HIBADH: variants seen among roughly 807,000 people sequenced by gnomAD.
HIBADH encodes 3-hydroxyisobutyrate dehydrogenase, also known as 3-hydroxyisobutyrate dehydrogenase, mitochondrial.
A neutral mutation model predicts 36.1 loss-of-function variants in HIBADH; 25 were observed. The observed-to-expected ratio is 0.69, with a 90% CI of 0.50 to 0.97. The LOEUF (loss-of-function observed/expected upper bound fraction) is 0.97. Ranked by LOEUF, HIBADH falls within the 50% of genes least tolerant of loss-of-function variation. HIBADH has a pLI of 0.00. For missense variants in HIBADH, 421 were observed against 418.0 expected (o/e 1.01, Z -0.06); for synonymous variants, 160 against 149.5 (o/e 1.07, Z -0.51).
chr7:27,577,781 A>T (rs1349234690), intron 4 of HIBADH, among the ~76,000 whole-genome samples: 1 of 152,218 alleles, frequency 6.6e-6, no homozygotes, highest in East Asian at 1.9e-4. Context: ...CTCCAAAAAA[A>T]TTTGAGATGT....
intron 4 of HIBADH, among the ~76,000 whole-genome samples, chr7:27,565,490 G>C (rs1389029701): frequency 6.6e-6 from 1 of 152,180 alleles, no homozygotes; most frequent in Non-Finnish European, 1.5e-5. Context: ...CTAGTATAGA[G>C]AAATATGATG....
chr7:27,648,205 A>G (rs1186600258), intron 2 of HIBADH, among the ~76,000 whole-genome samples: 1 of 152,222 alleles, frequency 6.6e-6, no homozygotes, highest in Admixed American at 6.5e-5. Context: ...ATTCTCTACT[A>G]TACGACTGAT....
intron 2 of HIBADH, among the ~76,000 whole-genome samples, chr7:27,645,561 T>A (rs1429123047): frequency 6.6e-6 from 1 of 151,796 alleles, no homozygotes; most frequent in African/African-American, 2.4e-5. Context: ...TTTGCATTTT[T>A]AGTAAAGACA....
chr7:27,570,814 G>A (rs557778789), intron 4 of HIBADH, among the ~76,000 whole-genome samples: 5 of 152,020 alleles, frequency 3.3e-5, no homozygotes, highest in East Asian at 1.9e-4. Context: ...TTGGTACTGC[G>A]TAGTTTTACT....
At chr7:27,537,407 A>C (rs1375619260) in intron 6 of HIBADH, among the ~76,000 whole-genome samples, 1 of 152,112 alleles carries the variant, frequency 6.6e-6, no homozygotes, top group Non-Finnish European at 1.5e-5. Context: ...GTGTTTTCAA[A>C]AATATCTCAA....
Position 27,552,671 on chromosome 7 carries a change from T to C in HIBADH, c.485-9571A>G, listed in dbSNP as rs142145218. 4.5e-3 allele frequency among the ~76,000 whole-genome samples: 693 copies of C among 152,316 alleles called. 9 individuals carry two copies. Among genetic ancestry groups the C allele is most frequent in the Non-Finnish European group, 4.3e-3 (295 of 68,018 alleles). On this transcript the variant is annotated intron_variant, in intron 4 of 7. Coordinates refer to ENST00000265395, the MANE Select transcript of HIBADH (RefSeq NM_152740.4). ...CTGGCTTGTGTTAAATTCTAGAATA[T>C]GACTTTTAAATCCAGAAACTGTATT... is the stretch of plus-strand genomic sequence containing the variant.
At chr7:27,573,188 A>C (rs951316493) in intron 4 of HIBADH, among the ~76,000 whole-genome samples, 6 of 152,178 alleles carry the variant, frequency 3.9e-5, no homozygotes, top group African/African-American at 1.2e-4. Flanking sequence ...CTCTCATTTA[A>C]TCTTCAAACA....
At chr7:27,623,201 C>T (rs1785575258) in intron 4 of HIBADH, among the ~76,000 whole-genome samples, 1 of 152,056 alleles carries the variant, frequency 6.6e-6, no homozygotes, top group Non-Finnish European at 1.5e-5. Context: ...GATAAAATTC[C>T]ACATCCCTTC....
rs73287946 is a variant in HIBADH, at chr7:27,535,231, T to C, written c.695+3110A>G. ...TGTAAAACCAGACAGTATAGATACA[T>C]ACAAAGAACAAGCTTTTTGGCCATT... On this transcript the variant is annotated intron_variant, in intron 6 of 7. Coordinates refer to ENST00000265395, the MANE Select transcript of HIBADH (RefSeq NM_152740.4). 4.8e-3 allele frequency among the ~76,000 whole-genome samples: 722 copies of C among 151,982 alleles called. 5 individuals carry two copies. The highest frequency in any genetic ancestry group is 0.017 in the African/African-American group (695 of 41,464).
At chr7:27,585,650 C>T (rs1583582487) in intron 4 of HIBADH, among the ~76,000 whole-genome samples, 1 of 152,028 alleles carries the variant, frequency 6.6e-6, no homozygotes, top group African/African-American at 2.4e-5. Context: ...ATTTGTAAGA[C>T]GATTCAAAGA....
intron 3 of HIBADH, among the ~76,000 whole-genome samples, chr7:27,630,895 A>T (rs1785735782): frequency 2.0e-5 from 3 of 152,180 alleles, no homozygotes; most frequent in Non-Finnish European, 4.4e-5. Flanking sequence ...TAAAAGAATA[A>T]GAATTAAGTT....
intron 5 of HIBADH, 54 bp from the exon 6 acceptor site, chr7:27,538,471 C>T: frequency 6.6e-7 from 1 of 1,507,420 alleles, no homozygotes; most frequent in Non-Finnish European, 9.2e-7. Context: ...GTAAAACTCA[C>T]AGGACGTTTT....
chr7:27,648,018 C>T (rs1786108986), intron 2 of HIBADH, among the ~76,000 whole-genome samples: 1 of 152,136 alleles, frequency 6.6e-6, no homozygotes, highest in African/African-American at 2.4e-5. Context: ...AGATCAAGTA[C>T]CCTTGTTACT....
intron 4 of HIBADH, among the ~76,000 whole-genome samples, chr7:27,604,871 G>C (rs1050902596): frequency 2.6e-5 from 4 of 152,020 alleles, no homozygotes; most frequent in Non-Finnish European, 5.9e-5. Flanking sequence ...CATTTACTTT[G>C]AAAACATATA....
chr7:27,635,110 G>GTGTGTGTGT (rs1251848686), intron 2 of HIBADH, among the ~76,000 whole-genome samples: 2 of 151,682 alleles, frequency 1.3e-5, no homozygotes, highest in African/African-American at 4.9e-5. Context: ...GTGTGTGTGT[G>GTGTGTGTGT]TATTTGGTAC....
intron 4 of HIBADH, among the ~76,000 whole-genome samples, chr7:27,618,091 A>G (rs1045195762): frequency 9.9e-5 from 15 of 152,268 alleles, no homozygotes; most frequent in African/African-American, 3.4e-4. Flanking sequence ...GGCTTTGCAA[A>G]GGAAGAGTGA....
At chr7:27,590,251 T>A (rs999352172) in intron 4 of HIBADH, among the ~76,000 whole-genome samples, 3 of 152,096 alleles carry the variant, frequency 2.0e-5, no homozygotes, top group African/African-American at 7.2e-5. Context: ...CCCAGAAAAG[T>A]TGAGACTCAG....
At chr7:27,650,871 C>A (rs1287445851) in intron 1 of HIBADH, among the ~76,000 whole-genome samples, 1 of 152,014 alleles carries the variant, frequency 6.6e-6, no homozygotes, top group Admixed American at 6.6e-5. Context: ...GCGTTAGATG[C>A]AATTTTTCAC....
At chr7:27,636,619 G>A (rs1051507837) in intron 2 of HIBADH, among the ~76,000 whole-genome samples, 1 of 152,156 alleles carries the variant, frequency 6.6e-6, no homozygotes, top group African/African-American at 2.4e-5. Flanking sequence ...AGTTTTTAAA[G>A]AGAAAACAAA....
Sources: allele counts gnomAD v4.1 joint callset (sites outside exome capture counted in the v4.1 genomes callset), GRCh38; gene constraint gnomAD v4.1.1; transcripts MANE v1.5; gene names NCBI Gene and HGNC (gene_info 2026-07-23, HGNC 2026-07-21).